Variants in RIBC2 observed in about 807,000 individuals in gnomAD.
The protein encoded by RIBC2 is RIB43A domain with coiled-coils 2.
Under a neutral mutation model 44.3 loss-of-function variants are expected in RIBC2, and 40 were observed. The observed-to-expected ratio is 0.90, with a 90% CI of 0.70 to 1.18. RIBC2 has a LOEUF of 1.18. RIBC2 is among the 50% of genes most tolerant of loss of function. The pLI, the probability that RIBC2 is intolerant of heterozygous loss-of-function variation, is 0.00. For synonymous variants in RIBC2, 171 were observed against 175.0 expected (o/e 0.98, Z 0.18); for missense variants, 459 against 485.5 (o/e 0.95, Z 0.51).
intron 3 of RIBC2, among the ~76,000 whole-genome samples, chr22:45,420,096 A>G (rs1190683115): frequency 2.0e-5 from 3 of 151,936 alleles, no homozygotes; most frequent in Non-Finnish European, 4.4e-5. Context: ...TAAACATTTC[A>G]CTCAGAGTAA....
Position 45,414,992 on chromosome 22 carries a change from T to C in RIBC2, c.211+589T>C, listed in dbSNP as rs75682507. ...TCAGAGACAGACATGATTCAAATCA[T>C]AGTATTCAAGTACCTTGAATACTGT... On this transcript the variant is annotated intron_variant, in intron 2 of 6. Transcript: ENST00000614167. Among the ~76,000 whole-genome samples the C allele has an allele frequency of 6.3e-3, 961 of 152,226 alleles. 9 individuals carry two copies. Among genetic ancestry groups the C allele is most frequent in the African/African-American group, 0.022 (918 of 41,534 alleles).
rs1174060475 is a variant in RIBC2 at position 45,421,529 on chromosome 22, GTAT to G, written c.557-755_557-753del. Among the ~76,000 whole-genome samples, 19 of 30,742 alleles carry G rather than the reference GTAT, an allele frequency of 6.2e-4. 1 individual carries two copies. Among genetic ancestry groups the G allele is most frequent in the Admixed American group, 2.8e-3 (9 of 3,176 alleles). 20.2% of individuals were successfully genotyped at this position (30,742 alleles called of 152,430 possible). ...AATAGTATTATTAATAATAATAATA[GTAT>G]TATTAATAATATTAATAATAATAAT... On this transcript the variant is annotated intron_variant, in intron 3 of 6. Coordinates refer to ENST00000614167, the MANE Select transcript of RIBC2 (RefSeq NM_015653.5).
rs747770634 is a variant in RIBC2, at chr22:45,417,847, T to G, written c.457T>G (p.Phe153Val). 4 of 1,614,132 alleles carry G rather than the reference T, an allele frequency of 2.5e-6. No individual in the cohort carries two copies. Among genetic ancestry groups the G allele is most frequent in the Non-Finnish European group, 3.4e-6 (4 of 1,180,026 alleles). The stretch of plus-strand genomic sequence containing the variant: ...GAAATTCATGGGAGAGGATTTAAAC[T>G]TCCATGAGAGGAAGAAATTCCAAGA... Reference protein sequence around the residue: ...MQKFMGEDLNFHERKKFQEEQ... With the variant: ...MQKFMGEDLNVHERKKFQEEQ... The change falls in exon 3 of 7, where the codon TTC becomes GTC. Residue 153 changes from phenylalanine to valine, a missense_variant. Physicochemically the swap from Phe to Val is conservative, Grantham distance 50. Transcript: ENST00000614167.
intron 5 of RIBC2, among the ~76,000 whole-genome samples, chr22:45,427,234 A>G: frequency 6.6e-6 from 1 of 152,226 alleles, no homozygotes; most frequent in East Asian, 1.9e-4. Context: ...CTGGTATGGC[A>G]GCTCTGTGGT....
At chr22:45,414,211 C>T in intron 1 of RIBC2, 111 bp from the exon 2 acceptor site, 1 of 1,484,990 alleles carries the variant, frequency 6.7e-7, no homozygotes, top group Non-Finnish European at 8.9e-7. Flanking sequence ...GCCAGATTTT[C>T]TACAACTCGT....
intron 3 of RIBC2, among the ~76,000 whole-genome samples, chr22:45,421,067 G>A (rs2087472429): frequency 6.6e-6 from 1 of 152,078 alleles, no homozygotes; most frequent in Non-Finnish European, 1.5e-5. Context: ...GGAGGCCAAA[G>A]TGGGCAAATC....
intron 1 of RIBC2, 105 bp from the exon 2 acceptor site, chr22:45,414,217 C>A: frequency 2.7e-6 from 4 of 1,488,016 alleles, no homozygotes; most frequent in Non-Finnish European, 2.7e-6. Context: ...TTTTCTACAA[C>A]TCGTTTACAG....
In RIBC2 at chr22:45,430,895, T is replaced by G. The variant is rs1273151778; in HGVS notation, c.904-5T>G. 9 of 1,573,928 alleles carry G rather than the reference T, an allele frequency of 5.7e-6. No individual in the cohort carries two copies. In the Admixed American group the frequency reaches 7.3e-5, roughly 13 times the overall value. On this transcript the variant is annotated splice_polypyrimidine_tract_variant and splice_region_variant and intron_variant, in intron 5 of 6. Transcript: ENST00000614167. ...GTGGTGGTGAGCCGCCTCTTTTCCT[T>G]CCAGAGGCTCCAGGAAGAAAAGCGC...
At chr22:45,421,541 A>T (rs12165380) in intron 3 of RIBC2, among the ~76,000 whole-genome samples, 3 of 28,016 alleles carry the variant, frequency 1.1e-4, no homozygotes, top group African/African-American at 3.2e-4. Context: ...ATTATTAATA[A>T]TATTAATAAT....
intron 3 of RIBC2, among the ~76,000 whole-genome samples, chr22:45,418,684 A>T (rs539571487): frequency 6.6e-6 from 1 of 152,210 alleles, no homozygotes. Context: ...GACCAGGCAC[A>T]GAGAGGAATG....
intron 6 of RIBC2, among the ~76,000 whole-genome samples, chr22:45,431,698 G>GTATA (rs2087582229): frequency 6.6e-6 from 1 of 152,168 alleles, no homozygotes; most frequent in African/African-American, 2.4e-5. Flanking sequence ...GGCTGGGCTC[G>GTATA]GTGGCTCACG....
At chr22:45,421,529 G>A (rs62226822) in intron 3 of RIBC2, among the ~76,000 whole-genome samples, 1 of 30,756 alleles carries the variant, frequency 3.3e-5, no homozygotes, top group Admixed American at 3.2e-4. Flanking sequence ...AATAATAATA[G>A]TATTATTAAT....
Position 45,426,083 on chromosome 22 carries a change from C to T in RIBC2, c.811C>T (p.His271Tyr). ...GCAGGCAGCCAGCTCCTTCGGGCCC[C>T]ACCGCGTGGTCCCTGACCGCTGGAA... ...PQQAASSFGP[H>Y]RVVPDRWKGM... The change falls in exon 5 of 7, where the codon CAC becomes TAC. Residue 271 changes from histidine (H) to tyrosine (Y), a missense_variant. Coordinates refer to ENST00000614167, the MANE Select transcript of RIBC2 (RefSeq NM_015653.5). 6.2e-7 allele frequency: 1 copy of T among 1,614,040 alleles called. No individual in the cohort carries two copies.
At chr22:45,415,174 A>AC (rs2087409791) in intron 2 of RIBC2, among the ~76,000 whole-genome samples, 1 of 148,762 alleles carries the variant, frequency 6.7e-6, no homozygotes, top group Admixed American at 6.9e-5. Context: ...ACAAAGCGAG[A>AC]CCCCATCTCT....
intron 4 of RIBC2, among the ~76,000 whole-genome samples, chr22:45,424,697 C>T (rs1050844513): frequency 2.0e-5 from 3 of 152,026 alleles, no homozygotes; most frequent in Admixed American, 1.3e-4. Flanking sequence ...TGTGGCTAGT[C>T]CCCGCAGGCT....
rs370295227 is a variant in RIBC2 at position 45,430,152 on chromosome 22, C to T, written c.904-748C>T. On this transcript the variant is annotated intron_variant, in intron 5 of 6. Coordinates refer to ENST00000614167, the MANE Select transcript of RIBC2 (RefSeq NM_015653.5). ...AAGCCCGCCAGCCTGCCTTCAGTCC[C>T]AGGATGGGGCCGCCCAGACCCCCGT... Among the ~76,000 whole-genome samples the T allele has an allele frequency of 1.7e-4, 26 of 152,326 alleles. 1 individual carries two copies. In the South Asian group the frequency reaches 4.1e-3, roughly 24 times the overall value.
intron 5 of RIBC2, among the ~76,000 whole-genome samples, chr22:45,430,402 G>A (rs186980898): frequency 2.3e-3 from 344 of 152,302 alleles, no homozygotes; most frequent in African/African-American, 8.1e-3. Flanking sequence ...TCAGGGGTTG[G>A]GGTGCCCCTC....
chr22:45,415,905 G>A (rs2087420703), intron 2 of RIBC2, among the ~76,000 whole-genome samples: 1 of 152,134 alleles, frequency 6.6e-6, no homozygotes, highest in Non-Finnish European at 1.5e-5. Context: ...TCACCATGTT[G>A]GCCAGGCTGG....
intron 5 of RIBC2, among the ~76,000 whole-genome samples, chr22:45,427,854 C>T (rs1602120907): frequency 6.6e-6 from 1 of 152,326 alleles, no homozygotes; most frequent in Non-Finnish European, 1.5e-5. Flanking sequence ...AGGCTGGTCT[C>T]AAACTCCTGG....
Sources: gnomAD v4.1 joint callset for allele counts (sites outside exome capture counted in the v4.1 genomes callset) on GRCh38, gnomAD v4.1.1 for gene constraint, MANE v1.5 for transcripts, NCBI Gene and HGNC (gene_info 2026-07-23, HGNC 2026-07-21) for gene names.